Variants in HFM1 observed in about 807,000 individuals in gnomAD.
HFM1 encodes the protein helicase for meiosis 1.
A neutral mutation model predicts 192.1 loss-of-function variants in HFM1; 169 were observed. That is an observed-to-expected ratio of 0.88 (90% CI 0.78 to 1.00). HFM1 has a LOEUF of 1.00. Among genes scored for constraint, HFM1 ranks in the 50% least tolerant of loss-of-function variants. The pLI is 0.00. For synonymous variants in HFM1, 525 were observed against 537.8 expected, an observed-to-expected ratio of 0.98 and a Z score of 0.33; for missense variants, 1,661 against 1,668.0, an observed-to-expected ratio of 1.00 and a Z score of 0.07.
At chr1:91,343,163 G>A (rs951806585) in intron 20 of HFM1, among the ~76,000 whole-genome samples, 20 of 140,600 alleles carry the variant, frequency 1.4e-4, no homozygotes, top group South Asian at 4.5e-4. Context: ...CCCGGGAGGC[G>A]GAGCTTGCAT....
At chr1:91,387,440 G>A (rs1204191045) in intron 4 of HFM1, among the ~76,000 whole-genome samples, 1 of 151,952 alleles carries the variant, frequency 6.6e-6, no homozygotes, top group African/African-American at 2.4e-5. Context: ...TTCACGGTCT[G>A]TATTCGTACT....
chr1:91,302,065 A>C (rs1452085465), intron 30 of HFM1, among the ~76,000 whole-genome samples: 2 of 143,636 alleles, frequency 1.4e-5, no homozygotes, highest in Non-Finnish European at 3.0e-5. Context: ...TCTACAATGA[A>C]CTCAAACAAA....
At chr1:91,385,357 T>C (rs1662070603) in intron 5 of HFM1, 123 bp from the exon 6 acceptor site, 1 of 772,276 alleles carries the variant, frequency 1.3e-6, no homozygotes, top group African/African-American at 1.8e-5. Context: ...CTAACACAAC[T>C]TTTTATTGAG....
rs753618370 is a variant in HFM1, at chr1:91,401,079, G to C, written c.4C>G (p.Leu2Val). 6.5e-7 allele frequency: 1 copy of C among 1,541,640 alleles called. No individual in the cohort carries two copies. The highest frequency in any genetic ancestry group is 8.7e-7 in the Non-Finnish European group (1 of 1,145,030). Residue 2 changes from leucine (L) to valine (V), a missense_variant, in exon 2 of 39, where the codon CTG becomes GTG. Transcript: ENST00000370425. Reference protein sequence around the residue: MLKSNDCLFSLE... With the variant: MVKSNDCLFSLE... ...GAAAACAGGCAATCATTTGATTTCA[G>C]CATTGTTGAAAACTGGACTTTGTCA...
intron 13 of HFM1, among the ~76,000 whole-genome samples, chr1:91,364,719 GC>G (rs1156860865): frequency 7.0e-6 from 1 of 142,184 alleles, no homozygotes; most frequent in African/African-American, 2.6e-5. Flanking sequence ...TGCAAGCTCT[GC>G]CCCCCGGGGT....
chr1:91,280,206 G>T (rs1363314964), intron 30 of HFM1, among the ~76,000 whole-genome samples: 3 of 152,132 alleles, frequency 2.0e-5, no homozygotes, highest in Non-Finnish European at 4.4e-5. Context: ...AGGAACGTTG[G>T]GCTGAGCACT....
intron 13 of HFM1, among the ~76,000 whole-genome samples, chr1:91,359,781 G>A (rs553906744): frequency 6.6e-6 from 1 of 152,228 alleles, no homozygotes; most frequent in Non-Finnish European, 1.5e-5. Context: ...ACCCCAGGAA[G>A]ATACTCCACA....
In HFM1 at chr1:91,287,299, T is replaced by C. The variant is rs865936860; in HGVS notation, c.3392-10237A>G. 4.5e-4 allele frequency among the ~76,000 whole-genome samples: 69 copies of C among 152,308 alleles called. 1 individual carries two copies. The highest frequency in any genetic ancestry group is 8.3e-4 in the South Asian group (4 of 4,830). On this transcript the variant is annotated intron_variant, in intron 30 of 38. Coordinates refer to ENST00000370425, the MANE Select transcript of HFM1 (RefSeq NM_001017975.6). ...GAAGAGAGCAGTGGTTCTCCCAGCA[T>C]GCAGCTGGAGATCTGAGAAGGGGCA...
chr1:91,328,676 A>G, intron 20 of HFM1: 1 of 1,597,484 alleles, frequency 6.3e-7, no homozygotes, highest in East Asian at 2.2e-5. Context: ...GAGCTGGCCA[A>G]ATGCAGTGAA....
At chr1:91,376,466 C>T (rs1660919557) in intron 11 of HFM1, among the ~76,000 whole-genome samples, 1 of 151,748 alleles carries the variant, frequency 6.6e-6, no homozygotes, top group Non-Finnish European at 1.5e-5. Context: ...GGAAGAAGAT[C>T]TGACAAAAGA....
At chr1:91,375,316 C>T in intron 13 of HFM1, 42 bp downstream of exon 13, 1 of 1,462,354 alleles carries the variant, frequency 6.8e-7, no homozygotes. Flanking sequence ...TAGATGAGCC[C>T]TAAAAGTCCT....
chr1:91,302,656 C>T (rs1390665612), intron 30 of HFM1, among the ~76,000 whole-genome samples: 1 of 151,922 alleles, frequency 6.6e-6, no homozygotes, highest in African/African-American at 2.4e-5. Flanking sequence ...CGCTGGAAAC[C>T]ATCATTCTCA....
Position 91,375,623 on chromosome 1 carries a change from G to A in HFM1, c.1500C>T (p.Cys500=), listed in dbSNP as rs773840472. The A allele has an allele frequency of 6.2e-7, 1 of 1,613,318 alleles. No individual in the cohort carries two copies. Among genetic ancestry groups the A allele is most frequent in the Non-Finnish European group, 8.5e-7 (1 of 1,179,422 alleles). Residue 500 remains cysteine, a synonymous_variant, in exon 12 of 39, where the codon TGC becomes TGT. Transcript: ENST00000370425. ...ACTTAAACTCAGTTTGGTTACTACT[G>A]CAGGGAAATCCAAGGACCACTTTCT... The part of the protein sequence containing the change: ...KLQKVVLGFP[C]SSNQTEFKFD...
At chr1:91,296,240 T>C (rs376547374) in intron 30 of HFM1, among the ~76,000 whole-genome samples, 2 of 152,186 alleles carry the variant, frequency 1.3e-5, no homozygotes, top group African/African-American at 4.8e-5. Flanking sequence ...TTTTTCCATA[T>C]GGACATCCAG....
In HFM1 at chr1:91,401,041, C is replaced by A. The variant is rs1664254757; in HGVS notation, c.42G>T (p.Leu14Phe). 6 of 1,553,942 alleles carry A rather than the reference C, an allele frequency of 3.9e-6. No individual in the cohort carries two copies. Among genetic ancestry groups the A allele is most frequent in the African/African-American group, 1.4e-5 (1 of 70,966 alleles). Residue 14 changes from leucine to phenylalanine, a missense_variant, in exon 2 of 39, where the codon TTG becomes TTT. Coordinates refer to ENST00000370425, the MANE Select transcript of HFM1 (RefSeq NM_001017975.6). ...SNDCLFSLEN[L>F]FFEKPDEVEN... Reference sequence around the variant, plus strand: ...CAACTTCATCTGGTTTTTCAAAAAACAAATTTTCCAAAGAAAACAGGCAAT... The same window carrying A: ...CAACTTCATCTGGTTTTTCAAAAAAAAAATTTTCCAAAGAAAACAGGCAAT...
chr1:91,280,476 G>A (rs2100815923), intron 30 of HFM1, among the ~76,000 whole-genome samples: 1 of 152,326 alleles, frequency 6.6e-6, no homozygotes, highest in African/African-American at 2.4e-5. Flanking sequence ...AGGCCATGTA[G>A]GTAAGACTCA....
chr1:91,282,945 CTAAT>C (rs1167265813), intron 30 of HFM1, among the ~76,000 whole-genome samples: 2 of 152,120 alleles, frequency 1.3e-5, no homozygotes, highest in Non-Finnish European at 2.9e-5. Context: ...ATCTGGGACT[CTAAT>C]TAGAGAGATT....
intron 36 of HFM1, among the ~76,000 whole-genome samples, chr1:91,264,423 AG>A (rs1246359137): frequency 8.7e-6 from 1 of 114,286 alleles, no homozygotes; most frequent in Non-Finnish European, 1.7e-5. Flanking sequence ...CCCAGGTGGA[AG>A]TGCAGTGGCG....
At position 91,356,933 on chromosome 1, in the gene HFM1, T is replaced by C. The variant is rs148379324; in HGVS notation, c.1686-3634A>G. 3.7e-3 allele frequency among the ~76,000 whole-genome samples: 557 copies of C among 152,116 alleles called. 1 individual carries two copies. Among genetic ancestry groups the C allele is most frequent in the African/African-American group, 0.013 (530 of 41,492 alleles). On this transcript the variant is annotated intron_variant, in intron 13 of 38. Coordinates refer to ENST00000370425, the MANE Select transcript of HFM1 (RefSeq NM_001017975.6). ...GAAATAGAAAGCTTAAACAGACCAA[T>C]AACACATAATGAGATTGAAGTAGTA...
Sources: allele counts gnomAD v4.1 joint callset (sites outside exome capture counted in the v4.1 genomes callset), GRCh38; gene constraint gnomAD v4.1.1; transcripts MANE v1.5; gene names NCBI Gene and HGNC (gene_info 2026-07-23, HGNC 2026-07-21).